SEL1L2: variants seen among roughly 807,000 people sequenced by gnomAD.
The protein encoded by SEL1L2 is SEL1L2 adaptor subunit of SYVN1 ubiquitin ligase.
SEL1L2 carries 89 observed loss-of-function variants against 98.8 expected under a neutral mutation model. That is an observed-to-expected ratio of 0.90 (90% confidence interval 0.76 to 1.07). The LOEUF is 1.07. Ranked by LOEUF, SEL1L2 falls within the 50% of genes least tolerant of loss-of-function variation. The pLI is 0.00. For synonymous variants in SEL1L2, 262 were observed against 278.5 expected (o/e 0.94, Z 0.59); for missense variants, 788 against 812.0 (o/e 0.97, Z 0.36).
chr20:13,876,129 T>C lies in SEL1L2; in HGVS notation c.1027-14A>G. 3.1e-6 allele frequency: 5 copies of C among 1,592,576 alleles called. No individual in the cohort carries two copies. In the South Asian group the frequency reaches 3.3e-5, roughly 11 times the overall value. ...CTCTAAATACATCTAGGAAGAAAAA[T>C]GAAAAGAGGATAGAAAAAACAAAAT... is the stretch of plus-strand genomic sequence containing the variant. On this transcript the variant is annotated splice_polypyrimidine_tract_variant and intron_variant, in intron 11 of 19. Transcript: ENST00000284951.
intron 8 of SEL1L2, among the ~76,000 whole-genome samples, chr20:13,887,257 T>C (rs1299417699): frequency 2.6e-5 from 4 of 152,184 alleles, no homozygotes; most frequent in Non-Finnish European, 5.9e-5. Flanking sequence ...CAAAACTAGT[T>C]TTTTTCCTCC....
intron 9 of SEL1L2, among the ~76,000 whole-genome samples, chr20:13,885,985 C>T (rs905150359): frequency 2.0e-5 from 3 of 150,954 alleles, no homozygotes; most frequent in Non-Finnish European, 4.4e-5. Flanking sequence ...TGCAGTGAGC[C>T]GAGATTGTGC....
At chr20:13,906,600 A>G (rs1432679149) in intron 5 of SEL1L2, among the ~76,000 whole-genome samples, 2 of 151,992 alleles carry the variant, frequency 1.3e-5, no homozygotes, top group African/African-American at 4.8e-5. Context: ...CATTAGGTGG[A>G]TACTAAAAAT....
intron 11 of SEL1L2, 27 bp from the exon 12 acceptor site, chr20:13,876,142 GA>G: frequency 6.6e-7 from 1 of 1,512,506 alleles, no homozygotes. Flanking sequence ...AAAGAGGATA[GA>G]AAAAACAAAA....
At chr20:13,903,117 CAA>C (rs11473702) in intron 5 of SEL1L2, among the ~76,000 whole-genome samples, 5 of 123,100 alleles carry the variant, frequency 4.1e-5, no homozygotes, top group African/African-American at 9.3e-5. Flanking sequence ...GGCTCTTTCT[CAA>C]AAAAAAAAAA....
At chr20:13,880,492 T>C (rs891723740) in intron 10 of SEL1L2, among the ~76,000 whole-genome samples, 2 of 152,154 alleles carry the variant, frequency 1.3e-5, no homozygotes, top group African/African-American at 4.8e-5. Flanking sequence ...GCTTCAACTA[T>C]ATAAACCTTT....
intron 1 of SEL1L2, among the ~76,000 whole-genome samples, chr20:13,984,306 T>G (rs1164274507): frequency 6.6e-6 from 1 of 152,048 alleles, no homozygotes; most frequent in African/African-American, 2.4e-5. Context: ...GCCACCGCAC[T>G]CAGCCTTGAA....
intron 1 of SEL1L2, chr20:13,973,572 A>G (rs1239051809): frequency 6.6e-6 from 1 of 152,230 alleles, no homozygotes; most frequent in African/African-American, 2.4e-5. Flanking sequence ...TAGAGACTCC[A>G]TGAATATCAC....
chr20:13,861,856 G>A (rs1024773890), intron 17 of SEL1L2, among the ~76,000 whole-genome samples: 1 of 152,034 alleles, frequency 6.6e-6, no homozygotes, highest in East Asian at 1.9e-4. Flanking sequence ...GACTCTTCCC[G>A]TGGCTGGCTT....
rs561237466 is a variant in SEL1L2, at chr20:13,939,241, C to T, written c.115-7470G>A. Among the ~76,000 whole-genome samples, 34 of 151,826 alleles carry T rather than the reference C, an allele frequency of 2.2e-4. No individual in the cohort carries two copies. In the Middle Eastern group the frequency reaches 0.01, roughly 46 times the overall value. ...TGTATCTTTAGTAGAGATGGGGTTT[C>T]ACCATGTTGGCTGGGCTGGTCTTGA... On this transcript the variant is annotated intron_variant, in intron 2 of 19. Coordinates refer to ENST00000284951, the MANE Select transcript of SEL1L2 (RefSeq NM_025229.2).
At chr20:13,849,960 A>C (rs1418806405) in intron 19 of SEL1L2, 1 of 568,244 alleles carries the variant, frequency 1.8e-6, no homozygotes, top group African/African-American at 1.9e-5. Flanking sequence ...TGTAGTGTGT[A>C]CTGGAAAAGA....
At chr20:13,854,273 C>T (rs1030302883) in intron 18 of SEL1L2, among the ~76,000 whole-genome samples, 2 of 152,176 alleles carry the variant, frequency 1.3e-5, no homozygotes, top group Non-Finnish European at 2.9e-5. Flanking sequence ...GTATTTGAAA[C>T]TCTTCCCCAA....
At chr20:13,959,465 C>T (rs569356007) in intron 1 of SEL1L2, among the ~76,000 whole-genome samples, 5 of 152,274 alleles carry the variant, frequency 3.3e-5, no homozygotes, top group African/African-American at 7.2e-5. Flanking sequence ...AAAACTGCAA[C>T]GCCTGAGCCA....
chr20:13,901,189 G>C (rs1405601539), intron 5 of SEL1L2, among the ~76,000 whole-genome samples: 4 of 150,734 alleles, frequency 2.7e-5, no homozygotes, highest in African/African-American at 9.7e-5. Context: ...TCCTGCCTCA[G>C]CCTCCCGAGT....
In SEL1L2 at chr20:13,865,354, T is replaced by G. The variant is rs370774841; in HGVS notation, c.1565A>C (p.Glu522Ala). The change falls in exon 16 of 20, where the codon GAA becomes GCA. Residue 522 changes from glutamate (E) to alanine (A), a missense_variant. Coordinates refer to ENST00000284951, the MANE Select transcript of SEL1L2 (RefSeq NM_025229.2). The part of the protein sequence containing the change: ...VAQSNSAFIL[E>A]SKKANILEKE... Reference sequence around the variant, plus strand: ...AGAATTTTAACTCATCTTACTAGATTCCAAAATGAATGCTGAATTGCTTTG... The same window carrying G: ...AGAATTTTAACTCATCTTACTAGATGCCAAAATGAATGCTGAATTGCTTTG... 6.2e-7 allele frequency: 1 copy of G among 1,613,932 alleles called. No homozygotes were observed. Among genetic ancestry groups the G allele is most frequent in the African/African-American group, 1.3e-5 (1 of 74,922 alleles).
intron 2 of SEL1L2, among the ~76,000 whole-genome samples, chr20:13,935,041 T>C (rs1433926839): frequency 6.6e-6 from 1 of 152,200 alleles, no homozygotes; most frequent in East Asian, 1.9e-4. Flanking sequence ...AGCATCTAAG[T>C]TGAGGAGGCA....
intron 1 of SEL1L2, among the ~76,000 whole-genome samples, chr20:13,980,450 C>A (rs1210624380): frequency 6.6e-6 from 1 of 152,146 alleles, no homozygotes; most frequent in Non-Finnish European, 1.5e-5. Context: ...TCAGGTGATC[C>A]ACCTGCCTCG....
intron 17 of SEL1L2, among the ~76,000 whole-genome samples, chr20:13,859,792 C>G (rs1989795926): frequency 6.6e-6 from 1 of 152,152 alleles, no homozygotes; most frequent in East Asian, 1.9e-4. Flanking sequence ...CTCTGCCTCT[C>G]AGGTTCAAGC....
Position 13,877,537 on chromosome 20 carries a change from T to C in SEL1L2, c.1009A>G (p.Met337Val), listed in dbSNP as rs776010648. Residue 337 changes from methionine (M) to valine (V), a missense_variant, in exon 11 of 20, where the codon ATG becomes GTG. Transcript: ENST00000284951. ...GCATGTACCTTTCCTATAAATGCCA[T>C]GGCATTTGCACTCCCGGCCTTTGCT... ...KAAKAGSANA[M>V]AFIGKMYLEG... The C allele has an allele frequency of 6.8e-6, 11 of 1,612,376 alleles. No homozygotes were observed. The highest frequency in any genetic ancestry group is 1.1e-5 in the South Asian group (1 of 91,028).
Sources: allele counts gnomAD v4.1 joint callset (sites outside exome capture counted in the v4.1 genomes callset), GRCh38; gene constraint gnomAD v4.1.1; transcripts MANE v1.5; gene names NCBI Gene and HGNC (gene_info 2026-07-23, HGNC 2026-07-21).